The following PPIP5K1 variants were observed in gnomAD, a reference collection of about 807,000 sequenced individuals.
PPIP5K1 encodes the protein inositol hexakisphosphate and diphosphoinositol-pentakisphosphate kinase 1.
PPIP5K1 carries 6 observed loss-of-function variants against 27.7 expected under a neutral mutation model. That is an observed-to-expected ratio of 0.22 (90% CI 0.12 to 0.43). The LOEUF is 0.43. Among genes scored for constraint, PPIP5K1 ranks in the 20% least tolerant of loss-of-function variants. The probability of loss-of-function intolerance (pLI) is 1.00; values close to 1 mark genes in which losing one functional copy is unlikely to be tolerated. For synonymous variants in PPIP5K1, 145 were observed against 242.6 expected, an observed-to-expected ratio of 0.60 and a Z score of 3.74; for missense variants, 394 against 635.4, an observed-to-expected ratio of 0.62 and a Z score of 4.08.
At chr15:43,559,760 T>C (rs1290822149) in intron 29 of PPIP5K1, among the ~76,000 whole-genome samples, 8 of 151,304 alleles carry the variant, frequency 5.3e-5, no homozygotes, top group African/African-American at 2.0e-4. Context: ...TACTAGGGAC[T>C]GGTGATGGAA....
intron 31 of PPIP5K1, among the ~76,000 whole-genome samples, chr15:43,536,626 C>A (rs897203986): frequency 6.6e-6 from 1 of 152,132 alleles, no homozygotes; most frequent in Non-Finnish European, 1.5e-5. Flanking sequence ...GAAACCACAT[C>A]TATGGATCCA....
intron 30 of PPIP5K1, among the ~76,000 whole-genome samples, chr15:43,557,105 C>T (rs2083062104): frequency 6.6e-6 from 1 of 152,074 alleles, no homozygotes; most frequent in South Asian, 2.1e-4. Context: ...GGTTCAATTT[C>T]AATTTTTGTC....
At chr15:43,586,192 CA>C (rs1214288453) in intron 1 of PPIP5K1, among the ~76,000 whole-genome samples, 3 of 1,382 alleles carry the variant, frequency 2.2e-3, no homozygotes, top group East Asian at 0.016. Flanking sequence ...GACTCCGTCT[CA>C]AAAAAAAAAA....
In PPIP5K1 at chr15:43,557,528, T is replaced by C. The variant is rs557115016; in HGVS notation, c.3556+1267A>G. ...GAGGATCGTTTGAGCCCAGGAGTTC[T>C]GGGCTGCAATAAGCTACGACTGCAA... On this transcript the variant is annotated intron_variant, in intron 30 of 31. Transcript: ENST00000420765. Among the ~76,000 whole-genome samples, 52 of 152,290 alleles carry C rather than the reference T, an allele frequency of 3.4e-4. 1 individual carries two copies. The South Asian group carries it at 7.7e-3, about 22-fold the overall frequency.
At chr15:43,548,085 T>C (rs1595767812) in intron 30 of PPIP5K1, among the ~76,000 whole-genome samples, 1 of 151,966 alleles carries the variant, frequency 6.6e-6, no homozygotes, top group Admixed American at 6.6e-5. Context: ...GCTACAGGCA[T>C]GCATCACCAC....
At chr15:43,542,309 G>C (rs866576809) in intron 30 of PPIP5K1, among the ~76,000 whole-genome samples, 2 of 151,190 alleles carry the variant, frequency 1.3e-5, no homozygotes, top group Non-Finnish European at 3.0e-5. Flanking sequence ...GGCGGGGGGG[G>C]GGGGCAGAGT....
intron 30 of PPIP5K1, among the ~76,000 whole-genome samples, chr15:43,556,649 T>TA (rs1044489304): frequency 6.6e-6 from 1 of 152,312 alleles, no homozygotes; most frequent in South Asian, 2.1e-4. Flanking sequence ...CTGAATAAGT[T>TA]AGAGTTAGGC....
At chr15:43,559,279 T>A (rs1302486971) in intron 29 of PPIP5K1, among the ~76,000 whole-genome samples, 13 of 152,066 alleles carry the variant, frequency 8.5e-5, no homozygotes, top group Non-Finnish European at 8.8e-5. Flanking sequence ...AAAACAAGGA[T>A]CCAGAGGTAA....
intron 30 of PPIP5K1, among the ~76,000 whole-genome samples, chr15:43,542,651 T>G (rs2080899730): frequency 7.4e-6 from 1 of 135,766 alleles, no homozygotes; most frequent in African/African-American, 2.9e-5. Context: ...ATATTCAGTG[T>G]GTGTGTGTGT....
intron 31 of PPIP5K1, among the ~76,000 whole-genome samples, chr15:43,539,185 G>A (rs569551175): frequency 2.1e-5 from 3 of 140,664 alleles, no homozygotes; most frequent in East Asian, 2.1e-4. Context: ...CAATAAGAGC[G>A]AAACTCTGTC....
rs774889197 is a variant in PPIP5K1, at chr15:43,539,609, G to A, written c.3557-26C>T. The A allele has an allele frequency of 9.1e-6, 13 of 1,428,040 alleles. No homozygotes were observed. In the Admixed American group the frequency reaches 1.2e-4, roughly 13 times the overall value. 88.5% of individuals were successfully genotyped at this position (1,428,040 alleles called of 1,614,324 possible). A position where few individuals can be genotyped will look rare whatever the true frequency, so the allele number is the denominator to read the frequency against. On this transcript the variant is annotated intron_variant, in intron 30 of 31. Transcript: ENST00000420765. ...CTGGAAAGGAGGTAGGGTGAAGGGAGAGGGAAGAAAAAAAGACATATGAGG... is the reference window on the plus strand; with the variant it reads ...CTGGAAAGGAGGTAGGGTGAAGGGAAAGGGAAGAAAAAAAGACATATGAGG...
intron 30 of PPIP5K1, among the ~76,000 whole-genome samples, chr15:43,542,454 G>C (rs2080866669): frequency 6.6e-6 from 1 of 151,832 alleles, no homozygotes; most frequent in Non-Finnish European, 1.5e-5. Context: ...ACAATGCCTA[G>C]CTCATTTCTG....
Position 43,535,322 on chromosome 15 carries a change from A to T in PPIP5K1, c.3825T>A (p.Pro1275=). The T allele has an allele frequency of 6.2e-7, 1 of 1,614,170 alleles. No individual in the cohort carries two copies. The highest frequency in any genetic ancestry group is 8.5e-7 in the Non-Finnish European group (1 of 1,180,024). Residue 1275 remains proline (P), a synonymous_variant, in exon 32 of 32, where the codon CCT becomes CCA. Coordinates refer to ENST00000420765, the MANE Select transcript of PPIP5K1 (RefSeq NM_001394395.1). ...TGGAGAGCTCTTGTGCTCCACTCCC[A>T]GGGGTCTCCTGGAGCAGCCCAAGGC... is the stretch of plus-strand genomic sequence containing the variant. ...HQGLGLLQET[P]GSGAQELSIE...
At chr15:43,539,406 C>G in intron 31 of PPIP5K1, 64 bp downstream of exon 31, 1 of 1,217,020 alleles carries the variant, frequency 8.2e-7, no homozygotes, top group Non-Finnish European at 1.2e-6. Context: ...CAACAGGCCC[C>G]TCATTCACCA....
intron 30 of PPIP5K1, among the ~76,000 whole-genome samples, chr15:43,541,449 G>C (rs1005137417): frequency 6.6e-6 from 1 of 152,060 alleles, no homozygotes; most frequent in Non-Finnish European, 1.5e-5. Flanking sequence ...AGGCACGGTG[G>C]CTCATGCCTG....
chr15:43,541,035 G>A lies in PPIP5K1; in HGVS notation c.3557-1452C>T, dbSNP rs529884653. 7.9e-5 allele frequency among the ~76,000 whole-genome samples: 12 copies of A among 152,132 alleles called. 1 individual carries two copies. Among genetic ancestry groups the A allele is most frequent in the African/African-American group, 2.9e-4 (12 of 41,510 alleles). ...ATTCCCCCAAATGTCTTTTATAAAAGCATCCAAACATGAACCATGCACTGC... is the reference window on the plus strand; with the variant it reads ...ATTCCCCCAAATGTCTTTTATAAAAACATCCAAACATGAACCATGCACTGC... On this transcript the variant is annotated intron_variant, in intron 30 of 31. Transcript: ENST00000420765.
At chr15:43,545,179 TAA>T (rs60345631) in intron 30 of PPIP5K1, among the ~76,000 whole-genome samples, 33 of 106,324 alleles carry the variant, frequency 3.1e-4, no homozygotes, top group Admixed American at 4.0e-4. Context: ...GTCCGTCTCA[TAA>T]AAAAAAAAAA....
Position 43,558,923 on chromosome 15 carries a change from C to T in PPIP5K1, c.3428G>A (p.Gly1143Glu). 2.5e-6 allele frequency: 4 copies of T among 1,613,514 alleles called. No homozygotes were observed. Among genetic ancestry groups the T allele is most frequent in the Non-Finnish European group, 3.4e-6 (4 of 1,179,992 alleles). The change falls in exon 30 of 32, where the codon GGG becomes GAG. Residue 1143 changes from glycine to glutamate, a missense_variant. By Grantham distance (98) the Gly-to-Glu change is moderately conservative. This residue lies in a region of PPIP5K1 where 379 missense variants were observed against 423.9 expected (regional missense o/e 0.89). Transcript: ENST00000420765. ...GTAGATGGTAGGCACCATGGAACAC[C>T]CTTCAAACCCTGTTTGAAAAGAGAT... ...DDPECLYGFE[G>E]CSMVPTIYPL...
chr15:43,547,863 T>C (rs773191293), intron 30 of PPIP5K1, among the ~76,000 whole-genome samples: 9 of 152,184 alleles, frequency 5.9e-5, no homozygotes, highest in Non-Finnish European at 1.0e-4. Context: ...ATTAGAGGAG[T>C]CAGCTTTTCC....
Sources: gnomAD v4.1 joint callset for allele counts (sites outside exome capture counted in the v4.1 genomes callset) on GRCh38, gnomAD v4.1.1 for gene constraint, gnomAD v4.1.1 regional missense constraint, MANE v1.5 for transcripts, NCBI Gene and HGNC (gene_info 2026-07-23, HGNC 2026-07-21) for gene names.